PARD3B: variants seen among roughly 807,000 people sequenced by gnomAD.
PARD3B encodes the protein par-3 family cell polarity regulator beta.
Under a neutral mutation model 130.2 loss-of-function variants are expected in PARD3B, and 103 were observed. The observed-to-expected ratio is 0.79, with a 90% CI of 0.67 to 0.93. The LOEUF is 0.93. Among genes scored for constraint, PARD3B ranks in the 40% least tolerant of loss-of-function variants. PARD3B has a pLI of 0.00. For missense variants in PARD3B, 1,609 were observed against 1,499.2 expected, an observed-to-expected ratio of 1.07 and a Z score of -1.21; for synonymous variants, 583 against 553.2, an observed-to-expected ratio of 1.05 and a Z score of -0.76.
chr2:204,828,628 A>G (rs914936779), intron 2 of PARD3B, among the ~76,000 whole-genome samples: 8 of 152,206 alleles, frequency 5.3e-5, no homozygotes, highest in Admixed American at 3.3e-4. Context: ...ATTTCCATTT[A>G]GAAATACCAT....
chr2:205,395,395 C>T (rs548362856), intron 18 of PARD3B, among the ~76,000 whole-genome samples: 1 of 152,194 alleles, frequency 6.6e-6, no homozygotes, highest in Non-Finnish European at 1.5e-5. Context: ...CATCTTCTTG[C>T]AGCATTCTTT....
At chr2:204,705,848 G>A (rs2038116465) in intron 2 of PARD3B, among the ~76,000 whole-genome samples, 1 of 152,118 alleles carries the variant, frequency 6.6e-6, no homozygotes, top group African/African-American at 2.4e-5. Context: ...GCATTATAAG[G>A]TGATTGTTGA....
chr2:204,818,475 T>C (rs2043220374), intron 2 of PARD3B, among the ~76,000 whole-genome samples: 1 of 152,200 alleles, frequency 6.6e-6, no homozygotes, highest in Non-Finnish European at 1.5e-5. Flanking sequence ...ATTTTTATAT[T>C]GATCTTAAAT....
At chr2:205,403,693 T>C (rs975796155) in intron 19 of PARD3B, among the ~76,000 whole-genome samples, 1 of 152,156 alleles carries the variant, frequency 6.6e-6, no homozygotes, top group African/African-American at 2.4e-5. Flanking sequence ...CAGGAATCTG[T>C]GTTTCATACA....
At position 205,564,741 on chromosome 2, in the gene PARD3B, G is replaced by T. The variant is rs1341729815; in HGVS notation, c.3260+11338G>T. Among the ~76,000 whole-genome samples the T allele has an allele frequency of 6.6e-6, 1 of 152,122 alleles. No homozygotes were observed. The highest frequency in any genetic ancestry group is 2.4e-5 in the African/African-American group (1 of 41,422). On this transcript the variant is annotated intron_variant, in intron 22 of 22. Coordinates refer to ENST00000406610, the MANE Select transcript of PARD3B (RefSeq NM_001302769.2). The surrounding 1 kb of genome is among the most constrained non-coding windows in gnomAD (Gnocchi z 4.6). ...GGATCTCATGTGACACAGGCCCCAC[G>T]ACCTCGATCATTCTGCCAAGAAACA...
chr2:204,777,076 C>T (rs756550925), intron 2 of PARD3B, among the ~76,000 whole-genome samples: 19 of 152,130 alleles, frequency 1.2e-4, no homozygotes, highest in Non-Finnish European at 2.1e-4. Context: ...TATGTTCATT[C>T]CTGTTGTAGA....
At chr2:205,540,876 A>C (rs2052094249) in intron 21 of PARD3B, among the ~76,000 whole-genome samples, 1 of 152,182 alleles carries the variant, frequency 6.6e-6, no homozygotes. Flanking sequence ...AAGTTTTCAC[A>C]GGACTTGCAC....
intron 2 of PARD3B, among the ~76,000 whole-genome samples, chr2:204,949,811 G>A (rs1041992607): frequency 6.6e-6 from 1 of 152,078 alleles, no homozygotes; most frequent in Non-Finnish European, 1.5e-5. Context: ...TTAGTCAAAT[G>A]TTCAGTCACC....
chr2:205,146,431 T>G lies in PARD3B; in HGVS notation c.1435-12291T>G. 6.6e-6 allele frequency among the ~76,000 whole-genome samples: 1 copy of G among 151,664 alleles called. No individual in the cohort carries two copies. ...TTGGGAGGCCGAGGTGGGCGGATCA[T>G]GAGGTCAGGAGATCGAGACCATCCT... On this transcript the variant is annotated intron_variant, in intron 10 of 22. Transcript: ENST00000406610. The surrounding 1 kb of genome is among the most constrained non-coding windows in gnomAD (Gnocchi z 4.3).
In PARD3B at chr2:205,366,724, A is replaced by C. The variant is rs543120367; in HGVS notation, c.2631-34289A>C. The stretch of plus-strand genomic sequence containing the variant: ...CAGTGGACAGAGCAGCCAAGATATC[A>C]GGCACTCAGGCACCAAGCATTTGAA... On this transcript the variant is annotated intron_variant, in intron 18 of 22. Transcript: ENST00000406610. The surrounding 1 kb of genome is among the most constrained non-coding windows in gnomAD (Gnocchi z 5.0). 2.0e-5 allele frequency among the ~76,000 whole-genome samples: 3 copies of C among 152,214 alleles called. No homozygotes were observed. Among genetic ancestry groups the C allele is most frequent in the Admixed American group, 2.0e-4 (3 of 15,284 alleles).
At chr2:205,035,112 C>T (rs541314583) in intron 3 of PARD3B, among the ~76,000 whole-genome samples, 25 of 152,216 alleles carry the variant, frequency 1.6e-4, no homozygotes, top group East Asian at 5.8e-4. Context: ...ATCCCCCCCC[C>T]TCAGCCTCCC....
intron 20 of PARD3B, among the ~76,000 whole-genome samples, chr2:205,477,613 A>G (rs2049071176): frequency 6.6e-6 from 1 of 151,934 alleles, no homozygotes; most frequent in Non-Finnish European, 1.5e-5. Context: ...AAAAATAAGC[A>G]CATGATTTAG....
At chr2:205,201,032 T>A (rs546488046) in intron 15 of PARD3B, among the ~76,000 whole-genome samples, 1 of 152,294 alleles carries the variant, frequency 6.6e-6, no homozygotes, top group African/African-American at 2.4e-5. Flanking sequence ...ATAACACATT[T>A]ACAGTTCCAT....
At chr2:205,608,937 G>A (rs2055122362) in intron 22 of PARD3B, among the ~76,000 whole-genome samples, 1 of 152,144 alleles carries the variant, frequency 6.6e-6, no homozygotes, top group South Asian at 2.1e-4. Flanking sequence ...AGGGCCACAA[G>A]CATCTGCTGC....
intron 15 of PARD3B, among the ~76,000 whole-genome samples, chr2:205,209,911 ATTGT>A (rs1241121430): frequency 7.2e-5 from 11 of 152,118 alleles, no homozygotes; most frequent in African/African-American, 2.7e-4. Flanking sequence ...GGATTACTGG[ATTGT>A]TTGTAACGCA....
intron 18 of PARD3B, among the ~76,000 whole-genome samples, chr2:205,304,294 A>C (rs916101370): frequency 2.6e-5 from 4 of 152,098 alleles, no homozygotes; most frequent in Non-Finnish European, 5.9e-5. Context: ...ACCTGGGGTG[A>C]GGTTACCCCA....
intron 20 of PARD3B, among the ~76,000 whole-genome samples, chr2:205,496,968 C>T (rs1465372354): frequency 6.6e-6 from 1 of 151,756 alleles, no homozygotes; most frequent in South Asian, 2.1e-4. Context: ...TTTCCGTAAT[C>T]GACAGAAGCC....
At chr2:204,998,382 G>GTA in intron 3 of PARD3B, among the ~76,000 whole-genome samples, 1 of 93,988 alleles carries the variant, frequency 1.1e-5, no homozygotes, top group South Asian at 3.0e-4. Flanking sequence ...GTGTATATAT[G>GTA]TGTGTGTATA....
At chr2:204,971,174 C>G (rs556556179) in intron 3 of PARD3B, among the ~76,000 whole-genome samples, 2 of 152,118 alleles carry the variant, frequency 1.3e-5, no homozygotes, top group South Asian at 4.1e-4. Flanking sequence ...TTAAGCAAAC[C>G]AAATCCCTTT....
Sources: allele counts gnomAD v4.1 joint callset (sites outside exome capture counted in the v4.1 genomes callset), GRCh38; gene constraint gnomAD v4.1.1; non-coding constraint Gnocchi (gnomAD v3.1); transcripts MANE v1.5; gene names NCBI Gene and HGNC (gene_info 2026-07-23, HGNC 2026-07-21).